Variants in CSGALNACT1 observed in about 807,000 individuals in gnomAD.
CSGALNACT1 encodes chondroitin sulfate N-acetylgalactosaminyltransferase 1.
In CSGALNACT1, 52 loss-of-function variants were observed where a neutral mutation model predicts 51.0. That is an observed-to-expected ratio of 1.02 (90% CI 0.82 to 1.29). The LOEUF (loss-of-function observed/expected upper bound fraction) is 1.29, where lower values mean the gene tolerates loss of function less well. Among genes scored for constraint, CSGALNACT1 ranks in the 50% most tolerant of loss-of-function variants. The pLI is 0.00. For synonymous variants in CSGALNACT1, 341 were observed against 254.4 expected (o/e 1.34, Z -3.24); for missense variants, 935 against 679.2 (o/e 1.38, Z -4.19).
intron 1 of CSGALNACT1, among the ~76,000 whole-genome samples, chr8:19,678,352 G>A (rs990160209): frequency 6.6e-6 from 1 of 152,132 alleles, no homozygotes; most frequent in African/African-American, 2.4e-5. Context: ...TGGGACTCCA[G>A]ACTGAGAATT....
intron 1 of CSGALNACT1, among the ~76,000 whole-genome samples, chr8:19,649,628 C>A (rs1475335684): frequency 6.6e-6 from 1 of 151,530 alleles, no homozygotes; most frequent in Non-Finnish European, 1.5e-5. Flanking sequence ...CGAATACATG[C>A]AATTTCCAAA....
chr8:19,720,889 G>C (rs1435890399), intron 1 of CSGALNACT1, among the ~76,000 whole-genome samples: 1 of 152,188 alleles, frequency 6.6e-6, no homozygotes, highest in East Asian at 1.9e-4. Flanking sequence ...CTGTCCCCAA[G>C]GGGGCCTGCT....
exon 8 of CSGALNACT1, chr8:19,418,730 C>T (rs2057363316): frequency 6.2e-7 from 1 of 1,612,218 alleles, no homozygotes; most frequent in South Asian, 1.1e-5. Context: ...CTGAAAAGAA[C>T]TGGATAAAAT....
At chr8:19,539,113 T>A (rs549215299) in intron 3 of CSGALNACT1, among the ~76,000 whole-genome samples, 29 of 152,334 alleles carry the variant, frequency 1.9e-4, no homozygotes, top group African/African-American at 7.0e-4. Context: ...GATGTTTTGA[T>A]ATACATATAC....
intron 5 of CSGALNACT1, among the ~76,000 whole-genome samples, chr8:19,449,897 A>G (rs2062792246): frequency 6.6e-6 from 1 of 151,758 alleles, no homozygotes; most frequent in Non-Finnish European, 1.5e-5. Context: ...AAGACCAAAG[A>G]AAATCTATAG....
intron 1 of CSGALNACT1, among the ~76,000 whole-genome samples, chr8:19,751,837 G>A (rs1054150623): frequency 6.6e-6 from 1 of 152,030 alleles, no homozygotes; most frequent in Non-Finnish European, 1.5e-5. Flanking sequence ...TGCCATGATT[G>A]TAAGTTTCCT....
rs562944227 is a variant in CSGALNACT1 at position 19,473,434 on chromosome 8, T to A, written c.635-14792A>T. Among the ~76,000 whole-genome samples, 14 of 152,294 alleles carry A rather than the reference T, an allele frequency of 9.2e-5. No homozygotes were observed. In the East Asian group the frequency reaches 2.1e-3, roughly 23 times the overall value. On this transcript the variant is annotated intron_variant, in intron 4 of 9. Coordinates refer to ENST00000454498, the Ensembl canonical transcript of CSGALNACT1. ...ACATCACCATCCGCCGTCACTAACA[T>A]GATTATCACAGGGTCCTTCCCAGAC... is the stretch of plus-strand genomic sequence containing the variant.
At chr8:19,669,756 T>C (rs897118893) in intron 1 of CSGALNACT1, among the ~76,000 whole-genome samples, 1 of 152,240 alleles carries the variant, frequency 6.6e-6, no homozygotes, top group Non-Finnish European at 1.5e-5. Flanking sequence ...ATTACAGGCA[T>C]GGGCCACTGT....
chr8:19,718,162 A>C (rs1237606262), intron 1 of CSGALNACT1, among the ~76,000 whole-genome samples: 1 of 152,120 alleles, frequency 6.6e-6, no homozygotes, highest in East Asian at 1.9e-4. Flanking sequence ...GCACAATCTC[A>C]GCTCACTGCA....
At chr8:19,724,171 C>T (rs1459103163) in intron 1 of CSGALNACT1, among the ~76,000 whole-genome samples, 3 of 152,168 alleles carry the variant, frequency 2.0e-5, no homozygotes, top group South Asian at 2.1e-4. Context: ...CCCAGGGCTG[C>T]GACTACAAAC....
At chr8:19,478,661 T>A (rs1227578845) in intron 4 of CSGALNACT1, among the ~76,000 whole-genome samples, 1 of 152,162 alleles carries the variant, frequency 6.6e-6, no homozygotes, top group Non-Finnish European at 1.5e-5. Context: ...ATATTGCTCC[T>A]CTTCAAAGCA....
intron 1 of CSGALNACT1, among the ~76,000 whole-genome samples, chr8:19,652,097 T>C (rs2057865245): frequency 6.6e-6 from 1 of 152,072 alleles, no homozygotes; most frequent in South Asian, 2.1e-4. Flanking sequence ...ACCCAGCTAA[T>C]TTTAAATATT....
chr8:19,596,386 A>C (rs1001680419), intron 2 of CSGALNACT1, among the ~76,000 whole-genome samples: 1 of 152,160 alleles, frequency 6.6e-6, no homozygotes, highest in Non-Finnish European at 1.5e-5. Context: ...TCTTATGAAC[A>C]ATCAAATCAA....
At chr8:19,475,731 T>C (rs2153889640) in intron 4 of CSGALNACT1, among the ~76,000 whole-genome samples, 1 of 152,308 alleles carries the variant, frequency 6.6e-6, no homozygotes, top group East Asian at 1.9e-4. Flanking sequence ...CACAGAATAA[T>C]CTGCTCAGAA....
chr8:19,474,107 A>G lies in CSGALNACT1; in HGVS notation c.635-15465T>C, dbSNP rs149051254. Among the ~76,000 whole-genome samples, 293 of 152,334 alleles carry G rather than the reference A, an allele frequency of 1.9e-3. 2 individuals are homozygous for G. Among genetic ancestry groups the G allele is most frequent in the African/African-American group, 6.8e-3 (282 of 41,576 alleles). ...TTACAATAAATAATAACAATGGTCC[A>G]GATCCATGGAGCTTCTGATGAGAGA... On this transcript the variant is annotated intron_variant, in intron 4 of 9. Coordinates refer to ENST00000454498, the Ensembl canonical transcript of CSGALNACT1.
chr8:19,554,332 T>A (rs2089135615), intron 3 of CSGALNACT1, among the ~76,000 whole-genome samples: 3 of 152,148 alleles, frequency 2.0e-5, no homozygotes, highest in African/African-American at 7.2e-5. Context: ...AAATCGGTGT[T>A]ATCATTTTTG....
intron 1 of CSGALNACT1, among the ~76,000 whole-genome samples, chr8:19,729,196 A>G (rs575818015): frequency 3.2e-4 from 49 of 152,224 alleles, no homozygotes; most frequent in African/African-American, 1.2e-3. Context: ...ACATACACTC[A>G]GAAGTCTCTG....
chr8:19,490,364 C>T (rs2074087591), intron 4 of CSGALNACT1, among the ~76,000 whole-genome samples: 1 of 152,126 alleles, frequency 6.6e-6, no homozygotes, highest in South Asian at 2.1e-4. Flanking sequence ...GCACTTTTGA[C>T]AGTAGGGTCT....
intron 6 of CSGALNACT1, among the ~76,000 whole-genome samples, chr8:19,422,614 G>GT (rs2058123420): frequency 6.6e-6 from 1 of 152,194 alleles, no homozygotes; most frequent in African/African-American, 2.4e-5. Flanking sequence ...CATTTTCTGT[G>GT]TGTTGCATTG....
Sources: allele counts gnomAD v4.1 joint callset (sites outside exome capture counted in the v4.1 genomes callset), GRCh38; gene constraint gnomAD v4.1.1; transcripts MANE v1.5; gene names NCBI Gene and HGNC (gene_info 2026-07-23, HGNC 2026-07-21).